The following CTNNA1 variants were observed in gnomAD, a reference collection of about 807,000 sequenced individuals.
CTNNA1 encodes the protein catenin alpha 1.
In CTNNA1, 37 loss-of-function variants were observed where a neutral mutation model predicts 98.4. The ratio of observed to expected loss-of-function variants is 0.38; its 90% CI spans 0.29 to 0.49. CTNNA1 has a LOEUF of 0.49. Ranked by LOEUF, CTNNA1 falls within the 20% of genes least tolerant of loss-of-function variation. The pLI is 0.95. For missense variants in CTNNA1, 761 were observed against 1,147.2 expected (o/e 0.66, Z 4.86); for synonymous variants, 404 against 413.2 (o/e 0.98, Z 0.27).
At chr5:138,762,949 A>C (rs1752531968) in intron 1 of CTNNA1, among the ~76,000 whole-genome samples, 1 of 152,096 alleles carries the variant, frequency 6.6e-6, no homozygotes, top group Admixed American at 6.6e-5. Context: ...TTTAAAGGCT[A>C]ATTTTTTCCC....
intron 11 of CTNNA1, 59 bp downstream of exon 11, chr5:138,917,957 G>T: frequency 6.4e-7 from 1 of 1,559,622 alleles, no homozygotes; most frequent in Non-Finnish European, 8.8e-7. Context: ...TTTTGTCTAA[G>T]TTGTATTAAT....
chr5:138,926,807 C>T (rs187741651), intron 13 of CTNNA1, among the ~76,000 whole-genome samples: 14 of 152,258 alleles, frequency 9.2e-5, no homozygotes, highest in Admixed American at 2.0e-4. Flanking sequence ...CTGTGAAACA[C>T]GGGTGTGGCC....
At position 138,827,535 on chromosome 5, in the gene CTNNA1, C is replaced by T. The variant is rs780276146; in HGVS notation, c.879C>T (p.Pro293=). ...TGCAGAAACAAATCATTGTGGACCC[C>T]TTGAGCTTCAGCGAGGAGCGCTTTA... The part of the protein sequence containing the change: ...NNFDKQIIVD[P]LSFSEERFRP... Residue 293 remains proline, a synonymous_variant, in exon 7 of 18, where the codon CCC becomes CCT. Transcript: ENST00000302763. 6.2e-7 allele frequency: 1 copy of T among 1,614,208 alleles called. No individual in the cohort carries two copies. Among genetic ancestry groups the T allele is most frequent in the Non-Finnish European group, 8.5e-7 (1 of 1,180,038 alleles).
chr5:138,853,116 A>G (rs948736516), intron 7 of CTNNA1, among the ~76,000 whole-genome samples: 1 of 149,876 alleles, frequency 6.7e-6, no homozygotes, highest in Non-Finnish European at 1.5e-5. Flanking sequence ...AATTTTGCTG[A>G]TCTGATGAGT....
intron 10 of CTNNA1, among the ~76,000 whole-genome samples, chr5:138,913,343 ACTAATCC>A (rs1164339546): frequency 6.6e-6 from 1 of 152,052 alleles, no homozygotes; most frequent in Middle Eastern, 3.2e-3. Context: ...CACATCACTC[ACTAATCC>A]CAGCACCTTG....
intron 3 of CTNNA1, among the ~76,000 whole-genome samples, chr5:138,799,800 A>G (rs1455011669): frequency 6.6e-6 from 1 of 152,158 alleles, no homozygotes; most frequent in African/African-American, 2.4e-5. Context: ...TATGTTAGCC[A>G]TGAAATTAAG....
intron 3 of CTNNA1, among the ~76,000 whole-genome samples, chr5:138,806,828 A>C (rs1169905311): frequency 3.3e-5 from 5 of 152,124 alleles, no homozygotes; most frequent in Admixed American, 2.6e-4. Context: ...TACAAAGAGC[A>C]TAAATACTGG....
At chr5:138,776,512 C>T (rs757565630) in intron 1 of CTNNA1, among the ~76,000 whole-genome samples, 23 of 152,320 alleles carry the variant, frequency 1.5e-4, no homozygotes, top group Admixed American at 3.9e-4. Context: ...TTTTCTATTC[C>T]ACAAAACCGC....
chr5:138,860,013 C>CGT (rs764086744), intron 7 of CTNNA1, among the ~76,000 whole-genome samples: 8 of 151,576 alleles, frequency 5.3e-5, no homozygotes, highest in East Asian at 1.9e-4. Context: ...CGTGTGCATG[C>CGT]GTGTGTGTGT....
rs762698589 is a variant in CTNNA1, at chr5:138,904,391, G to A, written c.1339G>A (p.Val447Ile). 19 of 1,614,164 alleles carry A rather than the reference G, an allele frequency of 1.2e-5. No individual in the cohort carries two copies. The highest frequency in any genetic ancestry group is 1.6e-5 in the Non-Finnish European group (19 of 1,180,004). ...ACSISNNEEGVKLVRMSASQL... is the reference protein window; with the variant it reads ...ACSISNNEEGIKLVRMSASQL... ...TTCCATCTCAAATAATGAAGAAGGT[G>A]TAAAGCTTGTTCGAATGTCTGCAAG... is the stretch of plus-strand genomic sequence containing the variant. The change falls in exon 10 of 18, where the codon GTA becomes ATA. Residue 447 changes from valine to isoleucine, a missense_variant. Around this residue, in one of 6 missense-constraint regions of CTNNA1, gnomAD observed 287 missense variants for 436.0 expected, o/e 0.66. Coordinates refer to ENST00000302763, the MANE Select transcript of CTNNA1 (RefSeq NM_001903.5).
chr5:138,824,935 T>A, intron 6 of CTNNA1, 136 bp downstream of exon 6: 1 of 787,120 alleles, frequency 1.3e-6, no homozygotes, highest in African/African-American at 1.7e-5. Flanking sequence ...CAAAAGAAAT[T>A]ATGAATCATC....
Position 138,873,568 on chromosome 5 carries a change from A to C in CTNNA1, c.1063-12644A>C. The C allele has an allele frequency of 6.2e-7, 1 of 1,613,902 alleles. No individual in the cohort carries two copies. On this transcript the variant is annotated intron_variant, in intron 7 of 17. Coordinates refer to ENST00000302763, the MANE Select transcript of CTNNA1 (RefSeq NM_001903.5). This position sits in a 1 kb window ranked among gnomAD's most constrained non-coding sequence, Gnocchi z 6.1. ...GGCATAGGATGGAGTGTTCCCACCGACCTTGGAAACTGCCCAGCCAGGAGG... is the reference window on the plus strand; with the variant it reads ...GGCATAGGATGGAGTGTTCCCACCGCCCTTGGAAACTGCCCAGCCAGGAGG...
chr5:138,774,606 G>A (rs186924259), intron 1 of CTNNA1, among the ~76,000 whole-genome samples: 1 of 151,842 alleles, frequency 6.6e-6, no homozygotes, highest in East Asian at 1.9e-4. Flanking sequence ...GTGCTGTTGT[G>A]CATATTGTGC....
chr5:138,851,195 CA>C (rs926650129), intron 7 of CTNNA1, among the ~76,000 whole-genome samples: 1 of 152,166 alleles, frequency 6.6e-6, no homozygotes, highest in African/African-American at 2.4e-5. Flanking sequence ...AGAGAATGCA[CA>C]CTGCCTTTGT....
chr5:138,877,139 C>T lies in CTNNA1; in HGVS notation c.1063-9073C>T, dbSNP rs543518561. 3.9e-5 allele frequency among the ~76,000 whole-genome samples: 6 copies of T among 152,296 alleles called. No individual in the cohort carries two copies. The East Asian group carries it at 1.2e-3, about 29-fold the overall frequency. On this transcript the variant is annotated intron_variant, in intron 7 of 17. Coordinates refer to ENST00000302763, the MANE Select transcript of CTNNA1 (RefSeq NM_001903.5). ...AGTAATGAGCCTGCACTAGTACGTC[C>T]TCTTTGTTCCTTCTTGCTGGTTAAA...
rs28363472 is a variant in CTNNA1, at chr5:138,924,916, C to T, written c.1747+206C>T. On this transcript the variant is annotated intron_variant, in intron 12 of 17. Transcript: ENST00000302763. ...TTCATCTGTATCTCATGAGTAATCA[C>T]GGGACTAATTCTAAACACACGATTT... Among the ~76,000 whole-genome samples, 83 of 152,242 alleles carry T rather than the reference C, an allele frequency of 5.5e-4. 3 individuals are homozygous for T. In the East Asian group the frequency reaches 0.016, roughly 29 times the overall value.
At chr5:138,909,490 TGGGAC>T (rs1760076794) in intron 10 of CTNNA1, among the ~76,000 whole-genome samples, 1 of 151,956 alleles carries the variant, frequency 6.6e-6, no homozygotes, top group Non-Finnish European at 1.5e-5. Flanking sequence ...TCTGAGTAGC[TGGGAC>T]CACAGGTGGA....
intron 13 of CTNNA1, among the ~76,000 whole-genome samples, chr5:138,926,214 G>C (rs1162337983): frequency 2.6e-5 from 4 of 152,110 alleles, no homozygotes; most frequent in Non-Finnish European, 4.4e-5. Flanking sequence ...CTACTGTGGG[G>C]TCTTCAGTCA....
chr5:138,837,914 A>G (rs1252189715), intron 7 of CTNNA1, among the ~76,000 whole-genome samples: 1 of 151,840 alleles, frequency 6.6e-6, no homozygotes, highest in Non-Finnish European at 1.5e-5. Context: ...GTGAGCCACC[A>G]TGCCTGGCCA....
Sources: gnomAD v4.1 joint callset for allele counts (sites outside exome capture counted in the v4.1 genomes callset) on GRCh38, gnomAD v4.1.1 for gene constraint, gnomAD v4.1.1 regional missense constraint, Gnocchi (gnomAD v3.1) non-coding constraint, MANE v1.5 for transcripts, NCBI Gene and HGNC (gene_info 2026-07-23, HGNC 2026-07-21) for gene names.